Variants in ANKRD13C observed in about 807,000 individuals in gnomAD.
The protein encoded by ANKRD13C is ankyrin repeat domain 13C, also known as ankyrin repeat domain-containing protein 13C.
Under a neutral mutation model 65.5 loss-of-function variants are expected in ANKRD13C, and 16 were observed. The ratio of observed to expected loss-of-function variants is 0.24; its 90% CI spans 0.17 to 0.37. The LOEUF (loss-of-function observed/expected upper bound fraction) is 0.37. Among genes scored for constraint, ANKRD13C ranks in the 10% least tolerant of loss-of-function variants. ANKRD13C has a pLI of 1.00. For synonymous variants in ANKRD13C, 235 were observed against 238.7 expected (o/e 0.98, Z 0.14); for missense variants, 503 against 655.9 (o/e 0.77, Z 2.55).
Position 70,354,283 on chromosome 1 carries a change from C to G in ANKRD13C, c.126G>C (p.Arg42Ser). 2 of 1,613,944 alleles carry G rather than the reference C, an allele frequency of 1.2e-6. No individual in the cohort carries two copies. The highest frequency in any genetic ancestry group is 8.5e-7 in the Non-Finnish European group (1 of 1,180,026). Reference sequence around the variant, plus strand: ...GACAAGCTTTGCCGCCCTTGCCAATCCTGCTTCTGGTAAAGGTACCGCCGA... The same window carrying G: ...GACAAGCTTTGCCGCCCTTGCCAATGCTGCTTCTGGTAAAGGTACCGCCGA... ...AALGGTFTRS[R>S]IGKGGKACHK... The change falls in exon 1 of 13, where the codon AGG (arginine) becomes AGC (serine). Residue 42 changes from arginine to serine, a missense_variant. Physicochemically the swap from Arg to Ser is moderately radical, Grantham distance 110 (BLOSUM62 -1). Transcript: ENST00000370944.
rs1382408114 is a variant in ANKRD13C, at chr1:70,302,750, A to G, written c.777-1842T>C. On this transcript the variant is annotated intron_variant, in intron 6 of 12. Coordinates refer to ENST00000370944, the MANE Select transcript of ANKRD13C (RefSeq NM_030816.5). Reference sequence around the variant, plus strand: ...CAAAAAAAAAAAAAAAAAAAAAAAAAAAAAAGAAAATAGTATTAAAAGGGA... The same window carrying G: ...CAAAAAAAAAAAAAAAAAAAAAAAAGAAAAAGAAAATAGTATTAAAAGGGA... Among the ~76,000 whole-genome samples, 2 of 109,562 alleles carry G rather than the reference A, an allele frequency of 1.8e-5. 1 individual carries two copies. The highest frequency in any genetic ancestry group is 8.0e-5 in the African/African-American group (2 of 25,010). The allele number at this position is 109,562 out of a possible 152,430, so 71.9% of individuals were successfully genotyped here. A position where few individuals can be genotyped will look rare whatever the true frequency, so the allele number is the denominator to read the frequency against.
Position 70,262,941 on chromosome 1 carries a change from T to G in ANKRD13C, c.1496-94A>C. ...TTGGAGATGTCCATACTCCTTAAAA[T>G]GTAAAAAAAAAAAAAAAAATACTCA... On this transcript the variant is annotated intron_variant, in intron 12 of 12. Coordinates refer to ENST00000370944, the MANE Select transcript of ANKRD13C (RefSeq NM_030816.5). 6 of 551,786 alleles carry G rather than the reference T, an allele frequency of 1.1e-5. No homozygotes were observed. In the Admixed American group the frequency reaches 1.8e-4, roughly 16 times the overall value. The allele number at this position is 551,786 out of a possible 1,614,324, so 34.2% of individuals were successfully genotyped here. A position where few individuals can be genotyped will look rare whatever the true frequency, so the allele number is the denominator to read the frequency against.
chr1:70,292,309 C>G, intron 9 of ANKRD13C, 79 bp downstream of exon 9: 1 of 1,129,128 alleles, frequency 8.9e-7, no homozygotes, highest in East Asian at 2.6e-5. Flanking sequence ...CATTTATATA[C>G]TTACTGAATG....
chr1:70,338,208 G>A (rs553194576), intron 1 of ANKRD13C, among the ~76,000 whole-genome samples: 1 of 152,158 alleles, frequency 6.6e-6, no homozygotes, highest in African/African-American at 2.4e-5. Context: ...ATCTCATGAA[G>A]ACATTAAAGA....
intron 1 of ANKRD13C, among the ~76,000 whole-genome samples, chr1:70,349,875 C>A (rs1365018363): frequency 6.6e-6 from 1 of 152,158 alleles, no homozygotes; most frequent in Non-Finnish European, 1.5e-5. Context: ...GTGGCTCATG[C>A]CTGTAATCCC....
At chr1:70,282,338 A>T (rs1268892267) in intron 9 of ANKRD13C, among the ~76,000 whole-genome samples, 1 of 151,860 alleles carries the variant, frequency 6.6e-6, no homozygotes, top group East Asian at 2.0e-4. Flanking sequence ...TACAGACATG[A>T]GACACCGCGC....
At position 70,336,083 on chromosome 1, in the gene ANKRD13C, G is replaced by A; in HGVS notation, c.447C>T (p.His149=). The A allele has an allele frequency of 1.3e-6, 1 of 790,910 alleles. No homozygotes were observed. The highest frequency in any genetic ancestry group is 1.8e-6 in the Non-Finnish European group (1 of 570,128). The allele number at this position is 790,910 out of a possible 1,614,324, so 49.0% of individuals were successfully genotyped here. A position where few individuals can be genotyped will look rare whatever the true frequency, so the allele number is the denominator to read the frequency against. ...CTTTATTTCCTAACATCACAGCAAG[G>A]TGTAAAGGAGTATTTCCTAAAAAAA... ...QKDNHGNTPL[H]LAVMLGNKEC... Residue 149 remains histidine, a synonymous_variant, in exon 2 of 13, where the codon CAC becomes CAT. Transcript: ENST00000370944.
At chr1:70,324,468 T>A (rs983229559) in intron 3 of ANKRD13C, among the ~76,000 whole-genome samples, 7 of 152,218 alleles carry the variant, frequency 4.6e-5, no homozygotes, top group Non-Finnish European at 1.0e-4. Flanking sequence ...ACCTACCAAC[T>A]AAAGCAGATA....
chr1:70,284,626 C>G (rs1679538750), intron 9 of ANKRD13C, among the ~76,000 whole-genome samples: 1 of 152,210 alleles, frequency 6.6e-6, no homozygotes, highest in South Asian at 2.1e-4. Context: ...GGCTTGCAGT[C>G]AGGTTCCTAA....
chr1:70,322,276 CA>C (rs766220123), intron 3 of ANKRD13C, among the ~76,000 whole-genome samples: 1 of 152,120 alleles, frequency 6.6e-6, no homozygotes, highest in Non-Finnish European at 1.5e-5. Flanking sequence ...ATATGTTTAA[CA>C]CCATTATACA....
chr1:70,342,312 G>C (rs1003570555), intron 1 of ANKRD13C, among the ~76,000 whole-genome samples: 3 of 152,116 alleles, frequency 2.0e-5, no homozygotes, highest in African/African-American at 7.2e-5. Context: ...GGCAGAAGTG[G>C]GCAGATCATG....
chr1:70,313,721 T>C (rs1680947126), intron 5 of ANKRD13C, 24 bp downstream of exon 5: 2 of 1,564,254 alleles, frequency 1.3e-6, no homozygotes, highest in Non-Finnish European at 1.8e-6. Flanking sequence ...ACATATTTTA[T>C]ACTAAAACAT....
At chr1:70,329,416 G>A (rs1279540386) in intron 2 of ANKRD13C, among the ~76,000 whole-genome samples, 1 of 152,062 alleles carries the variant, frequency 6.6e-6, no homozygotes, top group Non-Finnish European at 1.5e-5. Context: ...AGCTACTCAT[G>A]AGGCTGAGGC....
At chr1:70,286,595 CAAAT>C (rs532465287) in intron 9 of ANKRD13C, among the ~76,000 whole-genome samples, 155 of 151,950 alleles carry the variant, frequency 1.0e-3, no homozygotes, top group Non-Finnish European at 1.7e-3. Context: ...GTAAGAAAAA[CAAAT>C]AAAAGAAATA....
Position 70,268,591 on chromosome 1 carries a change from G to A in ANKRD13C, c.1495+2265C>T, listed in dbSNP as rs140931674. ...AGATGAAAGAAAAGGTTGGGCTTGG[G>A]GCAGAAAAATCTGTATGGGGTGTTG... On this transcript the variant is annotated intron_variant, in intron 12 of 12. Coordinates refer to ENST00000370944, the MANE Select transcript of ANKRD13C (RefSeq NM_030816.5). Among the ~76,000 whole-genome samples, 295 of 152,298 alleles carry A rather than the reference G, an allele frequency of 1.9e-3. 2 individuals carry two copies. The highest frequency in any genetic ancestry group is 6.7e-3 in the African/African-American group (278 of 41,552).
At chr1:70,327,836 G>A (rs1031937865) in intron 2 of ANKRD13C, among the ~76,000 whole-genome samples, 4 of 152,074 alleles carry the variant, frequency 2.6e-5, no homozygotes, top group African/African-American at 9.7e-5. Flanking sequence ...AGGCCAAGGG[G>A]GGCGGATCAT....
intron 9 of ANKRD13C, among the ~76,000 whole-genome samples, chr1:70,289,527 C>T (rs1231843871): frequency 1.3e-5 from 2 of 151,784 alleles, no homozygotes; most frequent in East Asian, 1.9e-4. Flanking sequence ...TGCAGTGGCA[C>T]GATCTCCGCT....
intron 5 of ANKRD13C, among the ~76,000 whole-genome samples, chr1:70,309,642 C>T (rs1420179780): frequency 2.7e-5 from 4 of 147,940 alleles, no homozygotes; most frequent in Non-Finnish European, 5.9e-5. Context: ...AGGAGAATGG[C>T]GTGAACCCAG....
intron 9 of ANKRD13C, among the ~76,000 whole-genome samples, chr1:70,281,826 C>A (rs1572045876): frequency 6.6e-6 from 1 of 151,388 alleles, no homozygotes; most frequent in African/African-American, 2.4e-5. Context: ...GCGGGCAGAT[C>A]ACCTGAGGTC....
Sources: gnomAD v4.1 joint callset for allele counts (sites outside exome capture counted in the v4.1 genomes callset) on GRCh38, gnomAD v4.1.1 for gene constraint, MANE v1.5 for transcripts, NCBI Gene and HGNC (gene_info 2026-07-23, HGNC 2026-07-21) for gene names.